POLR1D: variants seen among roughly 807,000 people sequenced by gnomAD.
The protein encoded by POLR1D is RNA polymerase I and III subunit D.
In POLR1D, 8 loss-of-function variants were observed where a neutral mutation model predicts 10.8. The ratio of observed to expected loss-of-function variants is 0.74; its 90% CI spans 0.43 to 1.33. The LOEUF (loss-of-function observed/expected upper bound fraction) is 1.33. Among genes scored for constraint, POLR1D ranks in the 40% most tolerant of loss-of-function variants. The probability of loss-of-function intolerance (pLI) is 0.01; values close to 1 mark genes in which losing one functional copy is unlikely to be tolerated. For synonymous variants in POLR1D, 54 were observed against 57.2 expected (o/e 0.94, Z 0.25); for missense variants, 152 against 161.7 (o/e 0.94, Z 0.32).
chr13:27,629,598 A>G (rs1207925019), intron 1 of POLR1D, among the ~76,000 whole-genome samples: 1 of 152,192 alleles, frequency 6.6e-6, no homozygotes, highest in African/African-American at 2.4e-5. Context: ...GGACCCCTGT[A>G]TGGAAGGTTA....
intron 1 of POLR1D, among the ~76,000 whole-genome samples, chr13:27,645,225 G>A (rs1956208458): frequency 6.6e-6 from 1 of 152,106 alleles, no homozygotes; most frequent in Admixed American, 6.6e-5. Flanking sequence ...AGTTCTCTTT[G>A]AATGAATGCA....
chr13:27,629,536 T>A (rs664101), intron 1 of POLR1D, among the ~76,000 whole-genome samples: 3 of 152,140 alleles, frequency 2.0e-5, no homozygotes, highest in Non-Finnish European at 4.4e-5. Context: ...AAACAAAAAA[T>A]CTTAGTAGCC....
At chr13:27,645,027 TA>T (rs1485324423) in intron 1 of POLR1D, among the ~76,000 whole-genome samples, 1 of 152,190 alleles carries the variant, frequency 6.6e-6, no homozygotes, top group African/African-American at 2.4e-5. Context: ...TGAAGGTAGT[TA>T]TAGTGTTTTA....
intron 1 of POLR1D, among the ~76,000 whole-genome samples, chr13:27,635,886 A>G (rs1182924431): frequency 2.6e-5 from 4 of 152,022 alleles, no homozygotes; most frequent in African/African-American, 9.7e-5. Flanking sequence ...TCTCACCACT[A>G]TATTGTGGCT....
Position 27,636,601 on chromosome 13 carries a change from A to G in POLR1D, c.27-11778A>G, listed in dbSNP as rs529533485. Among the ~76,000 whole-genome samples the G allele has an allele frequency of 7.2e-5, 11 of 152,348 alleles. No individual in the cohort carries two copies. The South Asian group carries it at 2.1e-3, about 29-fold the overall frequency. ...GAGAGAATTGTAAATTTAGGGGTCTAATATTTCAAATGAGATGTGAAAGTA... is the reference window on the plus strand; with the variant it reads ...GAGAGAATTGTAAATTTAGGGGTCTGATATTTCAAATGAGATGTGAAAGTA... On this transcript the variant is annotated intron_variant, in intron 1 of 2. Transcript: ENST00000399697.
downstream of POLR1D, among the ~76,000 whole-genome samples, chr13:27,627,823 A>G (rs1956032160): frequency 1.3e-5 from 2 of 148,776 alleles, no homozygotes; most frequent in South Asian, 4.3e-4. Flanking sequence ...GACATTTGTA[A>G]TAGTCCAGGT....
chr13:27,636,151 G>C (rs1012377051), intron 1 of POLR1D, among the ~76,000 whole-genome samples: 1 of 152,128 alleles, frequency 6.6e-6, no homozygotes, highest in Non-Finnish European at 1.5e-5. Context: ...GGTACTTAAA[G>C]TGTTGTCCTC....
chr13:27,630,786 G>A (rs1956065351), intron 1 of POLR1D, among the ~76,000 whole-genome samples: 2 of 152,296 alleles, frequency 1.3e-5, no homozygotes, highest in Non-Finnish European at 1.5e-5. Flanking sequence ...GTCAATTAGT[G>A]GGAGTTAAAC....
chr13:27,621,829 C>A (rs1436194737), upstream of POLR1D: 5 of 741,238 alleles, frequency 6.7e-6, no homozygotes, highest in Middle Eastern at 2.4e-4. Context: ...CGCGGCTGGG[C>A]CCTGCCGCGC....
exon 3 of POLR1D, chr13:27,666,124 T>C: frequency 1.6e-6 from 1 of 618,736 alleles, no homozygotes; most frequent in South Asian, 2.1e-5. Flanking sequence ...ACCTAGCAAC[T>C]CTTGAGGAAA....
At chr13:27,627,114 A>G (rs1002498859), downstream of POLR1D, among the ~76,000 whole-genome samples, 4 of 152,208 alleles carry the variant, frequency 2.6e-5, no homozygotes, top group Non-Finnish European at 5.9e-5. Context: ...CATTCTTTGT[A>G]ACAACCTTTA....
At chr13:27,628,374 G>A (rs1213219165), downstream of POLR1D, among the ~76,000 whole-genome samples, 1 of 152,232 alleles carries the variant, frequency 6.6e-6, no homozygotes, top group African/African-American at 2.4e-5. Flanking sequence ...TTTATTTTCT[G>A]ATGGCAGAGT....
rs528254581 is a variant in POLR1D at position 27,647,808 on chromosome 13, A to T, written c.27-571A>T. On this transcript the variant is annotated intron_variant, in intron 1 of 2. Coordinates refer to the POLR1D transcript ENST00000399697. ...CTTGTACATATACTTTTCCATACTT[A>T]TTTGAATATTTTCATAGGACAAAGT... Among the ~76,000 whole-genome samples the T allele has an allele frequency of 1.2e-4, 19 of 152,290 alleles. No homozygotes were observed. In the East Asian group the frequency reaches 3.5e-3, roughly 28 times the overall value.
At chr13:27,654,487 A>G (rs1165346737) in intron 2 of POLR1D, among the ~76,000 whole-genome samples, 1 of 152,196 alleles carries the variant, frequency 6.6e-6, no homozygotes, top group Non-Finnish European at 1.5e-5. Context: ...CCAAAATTCT[A>G]ATTTTCTTTC....
exon 3 of POLR1D, chr13:27,666,000 G>C (rs754522425): frequency 4.5e-6 from 7 of 1,556,296 alleles, no homozygotes; most frequent in South Asian, 1.1e-5. Context: ...GTGCTCCTTC[G>C]GGGTGCGGTG....
chr13:27,631,405 T>G lies in POLR1D; in HGVS notation c.26+9396T>G, dbSNP rs1011653124. On this transcript the variant is annotated intron_variant, in intron 1 of 2. Transcript: ENST00000399697. Reference sequence around the variant, plus strand: ...CTCTCAGAAGTGGCATTCCATTGCCTCTGCTCTATTCTGTTGGTTAGACAT... The same window carrying G: ...CTCTCAGAAGTGGCATTCCATTGCCGCTGCTCTATTCTGTTGGTTAGACAT... Among the ~76,000 whole-genome samples, 4 of 152,188 alleles carry G rather than the reference T, an allele frequency of 2.6e-5. No homozygotes were observed. The South Asian group carries it at 8.3e-4, about 31-fold the overall frequency.
chr13:27,657,090 G>C (rs548912951), intron 2 of POLR1D, among the ~76,000 whole-genome samples: 1 of 152,312 alleles, frequency 6.6e-6, no homozygotes, highest in South Asian at 2.1e-4. Flanking sequence ...TGAGCACTAA[G>C]GGGAGCATGA....
intron 1 of POLR1D, among the ~76,000 whole-genome samples, chr13:27,633,442 G>A (rs528088914): frequency 6.6e-6 from 1 of 152,334 alleles, no homozygotes; most frequent in South Asian, 2.1e-4. Context: ...TGGGGTGAAA[G>A]GATGTAGGAT....
At chr13:27,627,733 T>TG (rs1421279535), downstream of POLR1D, among the ~76,000 whole-genome samples, 19 of 117,546 alleles carry the variant, frequency 1.6e-4, no homozygotes, top group Admixed American at 7.5e-4. Flanking sequence ...TTTAGTTTTT[T>TG]TTTTTTTTTT....
Sources: gnomAD v4.1 joint callset for allele counts (sites outside exome capture counted in the v4.1 genomes callset) on GRCh38, gnomAD v4.1.1 for gene constraint, MANE v1.5 for transcripts, NCBI Gene and HGNC (gene_info 2026-07-23, HGNC 2026-07-21) for gene names.